Variants in DCC observed in about 807,000 individuals in gnomAD.
The protein encoded by DCC is netrin receptor DCC.
Under a neutral mutation model 172.5 loss-of-function variants are expected in DCC, and 58 were observed. The ratio of observed to expected loss-of-function variants is 0.34; its 90% CI spans 0.27 to 0.42. DCC has a LOEUF of 0.42. Ranked by LOEUF, DCC falls within the 10% of genes least tolerant of loss-of-function variation. The pLI, the probability that DCC is intolerant of heterozygous loss-of-function variation, is 1.00. For missense variants in DCC, 1,740 were observed against 1,791.0 expected (o/e 0.97, Z 0.51); for synonymous variants, 709 against 644.5 (o/e 1.10, Z -1.52).
intron 2 of DCC, chr18:52,818,248 C>CA (rs148117900): frequency 0.2 from 30,533 of 150,870 alleles, 3,349 homozygotes; most frequent in Middle Eastern, 0.33. Flanking sequence ...AGTATGGTGA[C>CA]AAAAAATTTA....
chr18:52,864,485 C>A (rs2039189798), intron 2 of DCC, among the ~76,000 whole-genome samples: 2 of 151,982 alleles, frequency 1.3e-5, no homozygotes, highest in African/African-American at 4.8e-5. Flanking sequence ...TGATAGGTGG[C>A]TTTTTAACAT....
chr18:53,199,129 G>T (rs148500419), intron 9 of DCC, among the ~76,000 whole-genome samples: 7 of 149,250 alleles, frequency 4.7e-5, no homozygotes, highest in Non-Finnish European at 8.9e-5. Flanking sequence ...AGGCTGGAGT[G>T]CAGCGGCACA....
chr18:52,596,292 T>A (rs2033909383), intron 1 of DCC, among the ~76,000 whole-genome samples: 1 of 152,212 alleles, frequency 6.6e-6, no homozygotes, highest in African/African-American at 2.4e-5. Flanking sequence ...AAATATAATG[T>A]GTTCAACTTA....
chr18:52,367,187 G>A (rs866691730), intron 1 of DCC, among the ~76,000 whole-genome samples: 2 of 151,730 alleles, frequency 1.3e-5, no homozygotes, highest in East Asian at 1.9e-4. Flanking sequence ...AGGGCTGGCC[G>A]ACTGCTCTGA....
At chr18:52,969,507 C>G (rs1430376078) in intron 5 of DCC, among the ~76,000 whole-genome samples, 2 of 151,872 alleles carry the variant, frequency 1.3e-5, no homozygotes, top group Non-Finnish European at 2.9e-5. Flanking sequence ...TATAAATTCC[C>G]TAGAACCTAC....
chr18:52,911,123 A>G (rs1157684513), intron 3 of DCC, among the ~76,000 whole-genome samples: 1 of 152,134 alleles, frequency 6.6e-6, no homozygotes, highest in African/African-American at 2.4e-5. Flanking sequence ...ATGTAGTTAC[A>G]TTATAGAAAA....
At chr18:53,024,639 C>T (rs1187251124) in intron 5 of DCC, among the ~76,000 whole-genome samples, 1 of 152,126 alleles carries the variant, frequency 6.6e-6, no homozygotes, top group Non-Finnish European at 1.5e-5. Flanking sequence ...AAGGACTATT[C>T]TCTGATGACT....
intron 1 of DCC, among the ~76,000 whole-genome samples, chr18:52,553,526 G>C (rs538168923): frequency 4.4e-4 from 67 of 152,094 alleles, no homozygotes; most frequent in Admixed American, 2.1e-3. Context: ...ATGAATTTCT[G>C]TTCAACAAAC....
At chr18:53,216,885 CT>C (rs2055859997) in intron 12 of DCC, among the ~76,000 whole-genome samples, 1 of 152,246 alleles carries the variant, frequency 6.6e-6, no homozygotes, top group East Asian at 1.9e-4. Flanking sequence ...TGCAACAACA[CT>C]GCTTTAGAGA....
chr18:53,019,656 C>G (rs1369317346), intron 5 of DCC, among the ~76,000 whole-genome samples: 1 of 152,018 alleles, frequency 6.6e-6, no homozygotes, highest in East Asian at 1.9e-4. Context: ...GTGATATATT[C>G]CAGTTTATCT....
chr18:52,983,901 G>A (rs1404185574), intron 5 of DCC, among the ~76,000 whole-genome samples: 1 of 151,698 alleles, frequency 6.6e-6, no homozygotes, highest in East Asian at 2.0e-4. Flanking sequence ...GTTTTTCATT[G>A]CCTCCTGCAC....
rs1468638750 is a variant in DCC, at chr18:53,533,883, T to A, written c.*3230T>A. The A allele has an allele frequency of 6.6e-6, 1 of 152,216 alleles. No individual in the cohort carries two copies. The highest frequency in any genetic ancestry group is 1.5e-5 in the Non-Finnish European group (1 of 68,040). 9.4% of individuals were successfully genotyped at this position (152,216 alleles called of 1,614,324 possible). A position where few individuals can be genotyped will look rare whatever the true frequency, so the allele number is the denominator to read the frequency against. On this transcript the variant is annotated 3_prime_UTR_variant, in exon 29 of 29. Transcript: ENST00000442544. Reference sequence around the variant, plus strand: ...TTCAAAATTAGGTGTATGTTCAATCTCCTGCTTTGGTTCCAGCTACACAAG... The same window carrying A: ...TTCAAAATTAGGTGTATGTTCAATCACCTGCTTTGGTTCCAGCTACACAAG...
At chr18:52,837,692 A>G (rs1467393060) in intron 2 of DCC, among the ~76,000 whole-genome samples, 2 of 152,032 alleles carry the variant, frequency 1.3e-5, no homozygotes, top group South Asian at 2.1e-4. Context: ...AACTGTTCCA[A>G]TCTCTGCCTC....
Position 53,234,470 on chromosome 18 carries a change from G to A in DCC, c.1911+18873G>A, listed in dbSNP as rs188998177. Among the ~76,000 whole-genome samples, 358 of 152,028 alleles carry A rather than the reference G, an allele frequency of 2.4e-3. 5 individuals carry two copies. The highest frequency in any genetic ancestry group is 7.1e-4 in the Non-Finnish European group (48 of 67,934). On this transcript the variant is annotated intron_variant, in intron 12 of 28. Coordinates refer to ENST00000442544, the MANE Select transcript of DCC (RefSeq NM_005215.4). ...AAATAAATAAATAAAATATTGGCCA[G>A]TCAGGTTTTTTTCTGCTTCAAGACC...
At chr18:53,066,357 A>ATATG (rs1568281662) in intron 7 of DCC, among the ~76,000 whole-genome samples, 191 bp downstream of exon 7, 2 of 19,608 alleles carry the variant, frequency 1.0e-4, no homozygotes, top group Non-Finnish European at 2.1e-4. Flanking sequence ...ATGTGTGTAT[A>ATATG]TATATATATA....
chr18:53,040,280 C>A (rs545704612), intron 5 of DCC, among the ~76,000 whole-genome samples: 105 of 152,054 alleles, frequency 6.9e-4, no homozygotes, highest in Middle Eastern at 3.4e-3. Flanking sequence ...AACCCAATAA[C>A]CTGTTTTACT....
intron 7 of DCC, among the ~76,000 whole-genome samples, chr18:53,076,506 CTGT>C (rs2042726644): frequency 6.6e-6 from 1 of 152,108 alleles, no homozygotes; most frequent in African/African-American, 2.4e-5. Flanking sequence ...AAGTCAGCAG[CTGT>C]TGTTGATATG....
intron 1 of DCC, among the ~76,000 whole-genome samples, chr18:52,416,279 A>T (rs1312683097): frequency 3.3e-5 from 5 of 151,588 alleles, no homozygotes; most frequent in Non-Finnish European, 4.4e-5. Flanking sequence ...TGCTGAGGAG[A>T]GCTTTACTTC....
intron 1 of DCC, among the ~76,000 whole-genome samples, chr18:52,558,291 C>T (rs1351999132): frequency 6.6e-6 from 1 of 151,506 alleles, no homozygotes; most frequent in Non-Finnish European, 1.5e-5. Flanking sequence ...ACATTTATTA[C>T]TTGGAAAAAT....
Sources: gnomAD v4.1 joint callset for allele counts (sites outside exome capture counted in the v4.1 genomes callset) on GRCh38, gnomAD v4.1.1 for gene constraint, MANE v1.5 for transcripts, NCBI Gene and HGNC (gene_info 2026-07-23, HGNC 2026-07-21) for gene names.